EPHA7: variants seen among roughly 807,000 people sequenced by gnomAD.
EPHA7 encodes ephrin type-A receptor 7.
A neutral mutation model predicts 112.6 loss-of-function variants in EPHA7; 25 were observed. The observed-to-expected ratio is 0.22, with a 90% confidence interval of 0.16 to 0.31. EPHA7 has a LOEUF of 0.31. Ranked by LOEUF, EPHA7 falls within the 10% of genes least tolerant of loss-of-function variation. The pLI is 1.00. For missense variants in EPHA7, 962 were observed against 1,212.6 expected, an observed-to-expected ratio of 0.79 and a Z score of 3.07; for synonymous variants, 437 against 406.5, an observed-to-expected ratio of 1.07 and a Z score of -0.90.
rs1400386446 is a variant in EPHA7 at position 93,258,172 on chromosome 6, A to G, written c.2037T>C (p.Phe679=). The change falls in exon 11 of 17, where the codon TTT becomes TTC. Residue 679 remains phenylalanine, a synonymous_variant. Transcript: ENST00000369303. The part of the protein sequence containing the change: ...VGYTEKQRRD[F]LCEASIMGQF... The stretch of plus-strand genomic sequence containing the variant: ...GCCCCATGATGCTTGCTTCACACAA[A>G]AAGTCTCTCCTTTGTTTTTCTGTGT... The G allele has an allele frequency of 5.6e-6, 9 of 1,613,400 alleles. No individual in the cohort carries two copies. Among genetic ancestry groups the G allele is most frequent in the Non-Finnish European group, 7.6e-6 (9 of 1,179,702 alleles).
intron 5 of EPHA7, among the ~76,000 whole-genome samples, chr6:93,301,219 T>C (rs1772960531): frequency 6.6e-6 from 1 of 152,154 alleles, no homozygotes; most frequent in Non-Finnish European, 1.5e-5. Context: ...TTCTTTTAAG[T>C]TTCTTTTTTT....
chr6:93,369,180 CCACACACACACACACACACACACA>C (rs35708007), intron 3 of EPHA7, among the ~76,000 whole-genome samples: 1 of 144,822 alleles, frequency 6.9e-6, no homozygotes, highest in Non-Finnish European at 1.5e-5. Flanking sequence ...AAAATAAAGG[CCACACACACACACACACACACACA>C]CACACACACA....
At position 93,321,007 on chromosome 6, in the gene EPHA7, A is replaced by C. The variant is rs191843722; in HGVS notation, c.1324+35710T>G. On this transcript the variant is annotated intron_variant, in intron 5 of 16. Transcript: ENST00000369303. Reference sequence around the variant, plus strand: ...TGCTAAATAAAATAGCAGTAAATTCAATCTACTTATCACGTGTTATGAGGA... The same window carrying C: ...TGCTAAATAAAATAGCAGTAAATTCCATCTACTTATCACGTGTTATGAGGA... Among the ~76,000 whole-genome samples, 755 of 152,074 alleles carry C rather than the reference A, an allele frequency of 5.0e-3. 12 individuals are homozygous for C. The highest frequency in any genetic ancestry group is 0.018 in the African/African-American group (728 of 41,528).
intron 5 of EPHA7, among the ~76,000 whole-genome samples, chr6:93,334,219 C>T (rs1388046221): frequency 2.6e-5 from 4 of 151,808 alleles, no homozygotes; most frequent in African/African-American, 9.7e-5. Context: ...GAAGCTGGAC[C>T]CCCTCCTTAC....
chr6:93,267,725 C>A (rs573344194), intron 7 of EPHA7, among the ~76,000 whole-genome samples: 1 of 151,804 alleles, frequency 6.6e-6, no homozygotes, highest in South Asian at 2.1e-4. Flanking sequence ...GTCTTGGTTA[C>A]TTCTTTTTTA....
Position 93,371,766 on chromosome 6 carries a change from T to C in EPHA7, c.833-13355A>G, listed in dbSNP as rs539369819. On this transcript the variant is annotated intron_variant, in intron 3 of 16. Coordinates refer to ENST00000369303, the MANE Select transcript of EPHA7 (RefSeq NM_004440.4). ...TAAACGAATATGTATAGAGAGCTGATGGTACATTACATCTTCCTAATTAAT... is the reference window on the plus strand; with the variant it reads ...TAAACGAATATGTATAGAGAGCTGACGGTACATTACATCTTCCTAATTAAT... Among the ~76,000 whole-genome samples, 49 of 152,310 alleles carry C rather than the reference T, an allele frequency of 3.2e-4. No homozygotes were observed. The South Asian group carries it at 0.01, about 32-fold the overall frequency.
At chr6:93,258,058 C>T (rs1770517125) in intron 11 of EPHA7, 41 bp downstream of exon 11, 1 of 1,547,652 alleles carries the variant, frequency 6.5e-7, no homozygotes, top group Non-Finnish European at 8.9e-7. Context: ...ATTTCTGACA[C>T]TCAGTCTTTT....
intron 12 of EPHA7, 135 bp downstream of exon 12, chr6:93,257,327 C>A (rs1770483507): frequency 1.7e-6 from 1 of 588,110 alleles, no homozygotes; most frequent in Non-Finnish European, 2.9e-6. Flanking sequence ...GATTATTAAT[C>A]TGATTTTCAA....
chr6:93,240,388 T>G lies in EPHA7; in HGVS notation c.*3038A>C, dbSNP rs1480806273. On this transcript the variant is annotated 3_prime_UTR_variant, in exon 17 of 17. Coordinates refer to ENST00000369303, the MANE Select transcript of EPHA7 (RefSeq NM_004440.4). ...GAGAGGTGAATCACACCATTTTAATTGTCTTAAAAACACGGATAAGAAGAG... is the reference window on the plus strand; with the variant it reads ...GAGAGGTGAATCACACCATTTTAATGGTCTTAAAAACACGGATAAGAAGAG... The G allele has an allele frequency of 4.5e-6, 1 of 223,256 alleles. No homozygotes were observed. The highest frequency in any genetic ancestry group is 2.2e-5 in the African/African-American group (1 of 44,934). 13.8% of individuals were successfully genotyped at this position (223,256 alleles called of 1,614,324 possible).
At chr6:93,258,630 A>G (rs531823773) in intron 10 of EPHA7, among the ~76,000 whole-genome samples, 1 of 149,550 alleles carries the variant, frequency 6.7e-6, no homozygotes, top group East Asian at 2.0e-4. Context: ...CAGGGTCAAC[A>G]TTTAGATTTG....
chr6:93,405,813 G>GTATATATA (rs60882775), intron 3 of EPHA7, among the ~76,000 whole-genome samples: 97 of 73,954 alleles, frequency 1.3e-3, no homozygotes, highest in East Asian at 4.9e-3. Flanking sequence ...GTGTGTGTGT[G>GTATATATA]TATATATATA....
intron 5 of EPHA7, among the ~76,000 whole-genome samples, chr6:93,295,076 A>T (rs1772589104): frequency 6.6e-6 from 1 of 151,964 alleles, no homozygotes; most frequent in South Asian, 2.1e-4. Flanking sequence ...CGAGGAAAGG[A>T]GGAAGGGAGA....
At chr6:93,317,687 T>C (rs561457905) in intron 5 of EPHA7, among the ~76,000 whole-genome samples, 1 of 152,254 alleles carries the variant, frequency 6.6e-6, no homozygotes, top group Non-Finnish European at 1.5e-5. Context: ...AATTAAAACA[T>C]AGTTAAGTTG....
intron 16 of EPHA7, among the ~76,000 whole-genome samples, chr6:93,244,723 T>C (rs150995841): frequency 2.0e-5 from 3 of 152,314 alleles, no homozygotes; most frequent in African/African-American, 7.2e-5. Flanking sequence ...AAAAGTAAGT[T>C]GAACTCTTAC....
chr6:93,405,843 AT>A (rs1778692894), intron 3 of EPHA7, among the ~76,000 whole-genome samples: 1 of 138,754 alleles, frequency 7.2e-6, no homozygotes, highest in Non-Finnish European at 1.6e-5. Flanking sequence ...ATATATATAT[AT>A]ATATATAAAT....
intron 5 of EPHA7, among the ~76,000 whole-genome samples, chr6:93,287,491 A>G (rs962367855): frequency 1.1e-4 from 16 of 145,728 alleles, no homozygotes; most frequent in South Asian, 4.3e-4. Context: ...TTTGTGGCAC[A>G]TTCTCTTCTA....
intron 12 of EPHA7, among the ~76,000 whole-genome samples, chr6:93,256,789 ATCCTATGACTGTT>A (rs1413667732): frequency 6.6e-6 from 1 of 152,126 alleles, no homozygotes; most frequent in East Asian, 1.9e-4. Flanking sequence ...GTTTCTCTAA[ATCCTATGACTGTT>A]TATACGCCTG....
chr6:93,247,051 T>C (rs450238), intron 14 of EPHA7, 66 bp from the exon 15 acceptor site: 978,669 of 1,360,688 alleles, frequency 0.72, 353,260 homozygotes, highest in East Asian at 0.84. Flanking sequence ...CCAAATTTCC[T>C]GGTAGGCAAA....
At position 93,240,806 on chromosome 6, in the gene EPHA7, T is replaced by A. The variant is rs950393039; in HGVS notation, c.*2620A>T. 2 of 212,016 alleles carry A rather than the reference T, an allele frequency of 9.4e-6. No individual in the cohort carries two copies. The highest frequency in any genetic ancestry group is 5.9e-5 in the Admixed American group (1 of 17,070). 13.1% of individuals were successfully genotyped at this position (212,016 alleles called of 1,614,324 possible). A position where few individuals can be genotyped will look rare whatever the true frequency, so the allele number is the denominator to read the frequency against. On this transcript the variant is annotated 3_prime_UTR_variant, in exon 17 of 17. Transcript: ENST00000369303. The stretch of plus-strand genomic sequence containing the variant: ...TCTTATCGTTATACCATCTCATCTC[T>A]TTCTGGAAGAGAGTATTACAATCAG...
Sources: gnomAD v4.1 joint callset for allele counts (sites outside exome capture counted in the v4.1 genomes callset) on GRCh38, gnomAD v4.1.1 for gene constraint, MANE v1.5 for transcripts, NCBI Gene and HGNC (gene_info 2026-07-23, HGNC 2026-07-21) for gene names.